The following CNTN3 variants were observed in gnomAD, a reference collection of about 807,000 sequenced individuals.
CNTN3 encodes contactin 3.
A neutral mutation model predicts 119.1 loss-of-function variants in CNTN3; 60 were observed. The ratio of observed to expected loss-of-function variants is 0.50; its 90% CI spans 0.41 to 0.62. The LOEUF is 0.62. CNTN3 is among the 20% of genes least tolerant of loss of function. CNTN3 has a pLI of 0.00. For missense variants in CNTN3, 1,101 were observed against 1,242.4 expected (o/e 0.89, Z 1.71); for synonymous variants, 450 against 438.7 (o/e 1.03, Z -0.32).
intron 11 of CNTN3, among the ~76,000 whole-genome samples, chr3:74,357,815 T>C (rs1388526614): frequency 1.3e-5 from 2 of 152,144 alleles, no homozygotes; most frequent in African/African-American, 2.4e-5. Context: ...AATTTTGTCA[T>C]AAATATCCCA....
At chr3:74,328,316 CAAA>C (rs1343665085) in intron 13 of CNTN3, among the ~76,000 whole-genome samples, 10 of 151,956 alleles carry the variant, frequency 6.6e-5, no homozygotes, top group Admixed American at 1.3e-4. Context: ...ATTTTCATGA[CAAA>C]AGGAAATTTT....
chr3:74,334,713 T>G (rs1018352847), intron 13 of CNTN3, 22 bp downstream of exon 13: 4 of 1,604,776 alleles, frequency 2.5e-6, no homozygotes, highest in Admixed American at 1.7e-5. Flanking sequence ...ATAAAAAGTA[T>G]GAGGAAAGTG....
rs182380962 is a variant in CNTN3 at position 74,320,053 on chromosome 3, C to T, written c.1668+14682G>A. Among the ~76,000 whole-genome samples, 219 of 152,274 alleles carry T rather than the reference C, an allele frequency of 1.4e-3. 2 individuals carry two copies. Among genetic ancestry groups the T allele is most frequent in the Admixed American group, 6.9e-3 (106 of 15,296 alleles). On this transcript the variant is annotated intron_variant, in intron 13 of 22. Coordinates refer to ENST00000263665, the MANE Select transcript of CNTN3 (RefSeq NM_020872.3). Reference sequence around the variant, plus strand: ...GAGACGATGTGGAGAAATAGGAACACTTTGACACTGTTGGTGGGACTGTAA... The same window carrying T: ...GAGACGATGTGGAGAAATAGGAACATTTTGACACTGTTGGTGGGACTGTAA...
chr3:74,587,389 A>C (rs1443221633), intron 1 of CNTN3, among the ~76,000 whole-genome samples: 3 of 152,060 alleles, frequency 2.0e-5, no homozygotes, highest in African/African-American at 4.8e-5. Context: ...CTTGGCAGAA[A>C]CTTGAAAACA....
At chr3:74,350,306 C>T (rs1055968353) in intron 11 of CNTN3, among the ~76,000 whole-genome samples, 3 of 151,900 alleles carry the variant, frequency 2.0e-5, no homozygotes, top group Admixed American at 6.6e-5. Flanking sequence ...TACTAGCAGC[C>T]AACAAACATG....
intron 11 of CNTN3, among the ~76,000 whole-genome samples, chr3:74,350,370 G>T (rs1005698377): frequency 2.6e-5 from 4 of 152,184 alleles, no homozygotes; most frequent in Non-Finnish European, 5.9e-5. Context: ...AAACCACAAT[G>T]AGATACCATC....
chr3:74,602,145 C>G (rs1386565036), intron 1 of CNTN3, among the ~76,000 whole-genome samples: 1 of 151,438 alleles, frequency 6.6e-6, no homozygotes, highest in East Asian at 2.0e-4. Flanking sequence ...AAAAATTAGC[C>G]AGGCACGGTG....
intron 4 of CNTN3, among the ~76,000 whole-genome samples, chr3:74,471,950 G>T (rs529455306): frequency 1.3e-3 from 201 of 152,292 alleles, no homozygotes; most frequent in African/African-American, 4.5e-3. Flanking sequence ...CCGACACACA[G>T]AAAAGGCTCA....
chr3:74,313,579 A>G (rs967434270), intron 13 of CNTN3, among the ~76,000 whole-genome samples: 1 of 152,220 alleles, frequency 6.6e-6, no homozygotes, highest in African/African-American at 2.4e-5. Flanking sequence ...AATAGAGAAA[A>G]GACATACAAA....
chr3:74,320,267 C>A (rs905700036), intron 13 of CNTN3, among the ~76,000 whole-genome samples: 37 of 152,134 alleles, frequency 2.4e-4, no homozygotes, highest in Non-Finnish European at 4.0e-4. Context: ...TGGAACCAAC[C>A]CAAATGTCCA....
intron 13 of CNTN3, among the ~76,000 whole-genome samples, chr3:74,315,997 G>A (rs1013325309): frequency 2.6e-5 from 4 of 152,134 alleles, no homozygotes; most frequent in Admixed American, 2.0e-4. Context: ...AAATTGACAA[G>A]TGGGACCTAA....
chr3:74,276,389 T>C (rs1279638664), intron 20 of CNTN3, among the ~76,000 whole-genome samples: 1 of 152,108 alleles, frequency 6.6e-6, no homozygotes, highest in Non-Finnish European at 1.5e-5. Flanking sequence ...AATGATAGGC[T>C]ATGAAATGAG....
chr3:74,612,827 A>G (rs1259690526), intron 1 of CNTN3, among the ~76,000 whole-genome samples: 1 of 152,206 alleles, frequency 6.6e-6, no homozygotes, highest in African/African-American at 2.4e-5. Context: ...CCTTCCATTT[A>G]GTGAGGCTGA....
intron 1 of CNTN3, among the ~76,000 whole-genome samples, chr3:74,575,606 A>AACACACACACACACACACACACACAC (rs71129762): frequency 1.5e-5 from 2 of 135,098 alleles, no homozygotes; most frequent in African/African-American, 5.7e-5. Context: ...AGTCTCTCCC[A>AACACACACACACACACACACACACAC]ACACACACAC....
chr3:74,295,919 C>G (rs753234628), intron 18 of CNTN3, among the ~76,000 whole-genome samples: 2 of 152,104 alleles, frequency 1.3e-5, no homozygotes, highest in Non-Finnish European at 2.9e-5. Flanking sequence ...AAGGATCTTG[C>G]TTGATGCTAA....
chr3:74,472,688 CTTTGT>C (rs1464265086), intron 4 of CNTN3, among the ~76,000 whole-genome samples: 2 of 152,096 alleles, frequency 1.3e-5, no homozygotes, highest in East Asian at 1.9e-4. Flanking sequence ...GACTAAAAAG[CTTTGT>C]TTTGTTTTAA....
intron 1 of CNTN3, among the ~76,000 whole-genome samples, chr3:74,537,049 T>G (rs1435919299): frequency 6.6e-6 from 1 of 151,970 alleles, no homozygotes; most frequent in Non-Finnish European, 1.5e-5. Flanking sequence ...AGACAAGATG[T>G]GTCCTGAGAC....
At chr3:74,412,951 A>G (rs1701462077) in intron 5 of CNTN3, among the ~76,000 whole-genome samples, 1 of 152,216 alleles carries the variant, frequency 6.6e-6, no homozygotes, top group Non-Finnish European at 1.5e-5. Flanking sequence ...AACTGAAAGG[A>G]AGACCACAAA....
Position 74,266,512 on chromosome 3 carries a change from A to T in CNTN3, c.2955T>A (p.Ser985Arg). The stretch of plus-strand genomic sequence containing the variant: ...TTCGTGGAATCCTGATCTGTTCACT[A>T]CTGGTCCCATCCCCTCCATCTGTTG... ...KATTDGGDGT[S>R]SEQIRIPRIT... Residue 985 changes from serine to arginine, a missense_variant, in exon 22 of 23, where the codon AGT becomes AGA. Transcript: ENST00000263665. 6.2e-7 allele frequency: 1 copy of T among 1,613,514 alleles called. No individual in the cohort carries two copies. Among genetic ancestry groups the T allele is most frequent in the Non-Finnish European group, 8.5e-7 (1 of 1,179,532 alleles).
Sources: allele counts gnomAD v4.1 joint callset (sites outside exome capture counted in the v4.1 genomes callset), GRCh38; gene constraint gnomAD v4.1.1; transcripts MANE v1.5; gene names NCBI Gene and HGNC (gene_info 2026-07-23, HGNC 2026-07-21).